The following PCDHGB3 variants were observed in gnomAD, a reference collection of about 807,000 sequenced individuals.
The protein encoded by PCDHGB3 is protocadherin gamma-B3.
A neutral mutation model predicts 59.2 loss-of-function variants in PCDHGB3; 40 were observed. That is an observed-to-expected ratio of 0.68 (90% CI 0.52 to 0.88). The LOEUF is 0.88. Among genes scored for constraint, PCDHGB3 ranks in the 40% least tolerant of loss-of-function variants. The pLI is 0.00. For synonymous variants in PCDHGB3, 581 were observed against 503.6 expected, an observed-to-expected ratio of 1.15 and a Z score of -2.06; for missense variants, 1,309 against 1,187.9, an observed-to-expected ratio of 1.10 and a Z score of -1.50.
chr5:141,407,139 A>G lies in PCDHGB3; in HGVS notation c.2415+34330A>G, dbSNP rs190510544. Among the ~76,000 whole-genome samples, 1,517 of 152,332 alleles carry G rather than the reference A, an allele frequency of 1.0e-2. 33 individuals carry two copies. The highest frequency in any genetic ancestry group is 0.034 in the African/African-American group (1,425 of 41,568). On this transcript the variant is annotated intron_variant, in intron 1 of 3. Coordinates refer to ENST00000576222, the MANE Select transcript of PCDHGB3 (RefSeq NM_018924.5). ...TTTCAGTTGCTTTATTTTTAAGAAA[A>G]AAAAGCTGAAGTGTCTGGGAATCCT...
intron 1 of PCDHGB3, among the ~76,000 whole-genome samples, chr5:141,470,504 G>A (rs914828244): frequency 6.6e-6 from 1 of 152,114 alleles, no homozygotes; most frequent in Admixed American, 6.6e-5. Flanking sequence ...TAGGTAATTA[G>A]ACAGTTAGCT....
chr5:141,498,294 G>A (rs2099782964), intron 2 of PCDHGB3, among the ~76,000 whole-genome samples: 1 of 151,910 alleles, frequency 6.6e-6, no homozygotes, highest in African/African-American at 2.4e-5. Flanking sequence ...GATCAAGCCA[G>A]CTCTGGGTCA....
Position 141,476,696 on chromosome 5 carries a change from G to T in PCDHGB3, c.2416-18111G>T, listed in dbSNP as rs750429892. ...GACGCGGGAGGACAGCACCAAGTAC[G>T]CGGAGCTGGTGTTGGAGCGCGCCCT... On this transcript the variant is annotated intron_variant, in intron 1 of 3. Transcript: ENST00000576222. This position sits in a 1 kb window ranked among gnomAD's most constrained non-coding sequence, Gnocchi z 7.6. 3 of 1,614,102 alleles carry T rather than the reference G, an allele frequency of 1.9e-6. No individual in the cohort carries two copies. The highest frequency in any genetic ancestry group is 2.5e-6 in the Non-Finnish European group (3 of 1,180,050).
chr5:141,414,306 T>A lies in PCDHGB3; in HGVS notation c.2415+41497T>A, dbSNP rs778408885. The A allele has an allele frequency of 6.2e-6, 10 of 1,613,584 alleles. No homozygotes were observed. The Admixed American group carries it at 1.2e-4, about 19-fold the overall frequency. Reference sequence around the variant, plus strand: ...TCGTAGCCCTTTTAAATGTGCATGATTTAGACTCTGAGCAGAATGGACAGG... The same window carrying A: ...TCGTAGCCCTTTTAAATGTGCATGAATTAGACTCTGAGCAGAATGGACAGG... On this transcript the variant is annotated intron_variant, in intron 1 of 3. Coordinates refer to ENST00000576222, the MANE Select transcript of PCDHGB3 (RefSeq NM_018924.5).
intron 1 of PCDHGB3, chr5:141,415,950 A>G (rs996935488): frequency 4.0e-6 from 2 of 498,646 alleles, no homozygotes; most frequent in Non-Finnish European, 6.1e-6. Flanking sequence ...GGGTGGTCAC[A>G]TATTGAAACT....
chr5:141,511,215 A>G lies in PCDHGB3; in HGVS notation c.*42A>G, dbSNP rs1562250541. On this transcript the variant is annotated 3_prime_UTR_variant, in exon 4 of 4. Coordinates refer to ENST00000576222, the MANE Select transcript of PCDHGB3 (RefSeq NM_018924.5). ...AGAGCCACAGGGCGGCCTCTCCCCA[A>G]CCAGCCCAGCTTCTCCTTACCTGCA... The G allele has an allele frequency of 1.2e-6, 2 of 1,608,380 alleles. No individual in the cohort carries two copies. The highest frequency in any genetic ancestry group is 2.2e-5 in the East Asian group (1 of 44,560).
intron 1 of PCDHGB3, among the ~76,000 whole-genome samples, chr5:141,455,907 ATTTATTTT>A (rs1199495676): frequency 7.1e-5 from 9 of 126,872 alleles, no homozygotes; most frequent in African/African-American, 1.1e-4. Context: ...TTATTTATTT[ATTTATTTT>A]GAGACGGAGT....
At chr5:141,414,706 A>G in intron 1 of PCDHGB3, 1 of 1,614,002 alleles carries the variant, frequency 6.2e-7, no homozygotes, top group South Asian at 1.1e-5. Context: ...ATACATATCC[A>G]TCAACTCAGA....
chr5:141,409,415 G>C, intron 1 of PCDHGB3: 1 of 1,614,008 alleles, frequency 6.2e-7, no homozygotes. Context: ...CTACAAACTG[G>C]TGACAGATGG....
At chr5:141,450,211 T>TTTCA (rs1038674129) in intron 1 of PCDHGB3, among the ~76,000 whole-genome samples, 23 of 152,166 alleles carry the variant, frequency 1.5e-4, no homozygotes, top group African/African-American at 4.3e-4. Flanking sequence ...AGAGACAAGG[T>TTTCA]TTCACTATGT....
rs1258752203 is a variant in PCDHGB3, at chr5:141,431,160, G to C, written c.2415+58351G>C. On this transcript the variant is annotated intron_variant, in intron 1 of 3. Coordinates refer to ENST00000576222, the MANE Select transcript of PCDHGB3 (RefSeq NM_018924.5). The surrounding 1 kb of genome is among the most constrained non-coding windows in gnomAD (Gnocchi z 4.8). ...ATTAACGACAATGCGCCTTACTTTC[G>C]TGAAAGTGAATTAGAAATAAAAATT... is the stretch of plus-strand genomic sequence containing the variant. The C allele has an allele frequency of 6.2e-7, 1 of 1,614,198 alleles. No homozygotes were observed. Among genetic ancestry groups the C allele is most frequent in the South Asian group, 1.1e-5 (1 of 91,084 alleles).
rs1766946658 is a variant in PCDHGB3, at chr5:141,370,481, C to G, written c.87C>G (p.Leu29=). The G allele has an allele frequency of 1.2e-6, 2 of 1,613,770 alleles. No homozygotes were observed. Among genetic ancestry groups the G allele is most frequent in the African/African-American group, 2.7e-5 (2 of 74,932 alleles). ...TGCTCTCTTTGTTAGACCAGGCTCT[C>G]TCCGAACCGATCCGCTACGCTATTC... The part of the protein sequence containing the change: ...LFLLSLLDQA[L]SEPIRYAIPE... The change falls in exon 1 of 4, where the codon CTC becomes CTG. Residue 29 remains leucine, a synonymous_variant. Coordinates refer to ENST00000576222, the MANE Select transcript of PCDHGB3 (RefSeq NM_018924.5).
chr5:141,420,099 C>T (rs750814136), intron 1 of PCDHGB3: 4 of 1,613,996 alleles, frequency 2.5e-6, no homozygotes, highest in South Asian at 2.2e-5. Flanking sequence ...AGTGAGGGAA[C>T]GTTGCCCTAT....
At chr5:141,499,548 A>G (rs1312910986) in intron 2 of PCDHGB3, among the ~76,000 whole-genome samples, 3 of 152,226 alleles carry the variant, frequency 2.0e-5, no homozygotes, top group African/African-American at 7.2e-5. Flanking sequence ...ATGAACCTGT[A>G]TGATACCACT....
chr5:141,482,492 T>C (rs1167963137), intron 1 of PCDHGB3, among the ~76,000 whole-genome samples: 1 of 144,468 alleles, frequency 6.9e-6, no homozygotes, highest in Non-Finnish European at 1.5e-5. Flanking sequence ...TTAAAAGTTA[T>C]CATTCTGGTA....
At position 141,370,360 on chromosome 5, in the gene PCDHGB3, C is replaced by T. The variant is rs775816151; in HGVS notation, c.-35C>T. 2.2e-5 allele frequency: 34 copies of T among 1,516,792 alleles called. No homozygotes were observed. In the South Asian group the frequency reaches 4.3e-4, roughly 19 times the overall value. The allele number at this position is 1,516,792 out of a possible 1,614,324, so 94.0% of individuals were successfully genotyped here. Reference sequence around the variant, plus strand: ...TGGGATTATTTAAAGATCTCCTCTCCTCGGATTTAGAAAGGCAAAGGCGCA... The same window carrying T: ...TGGGATTATTTAAAGATCTCCTCTCTTCGGATTTAGAAAGGCAAAGGCGCA... On this transcript the variant is annotated 5_prime_UTR_variant, in exon 1 of 4. Transcript: ENST00000576222.
chr5:141,455,936 C>T (rs1194722770), intron 1 of PCDHGB3, among the ~76,000 whole-genome samples: 3 of 151,422 alleles, frequency 2.0e-5, no homozygotes, highest in East Asian at 3.9e-4. Flanking sequence ...CTCGCTCTGT[C>T]GCCCAGGCTG....
chr5:141,449,804 T>C (rs991937787), intron 1 of PCDHGB3, among the ~76,000 whole-genome samples: 2 of 151,676 alleles, frequency 1.3e-5, no homozygotes, highest in Non-Finnish European at 2.9e-5. Flanking sequence ...AAATACCTCA[T>C]TGTGTATTTC....
chr5:141,410,255 C>T (rs758117248), intron 1 of PCDHGB3: 26 of 1,614,030 alleles, frequency 1.6e-5, no homozygotes, highest in Non-Finnish European at 1.9e-5. Flanking sequence ...CTCTGACCCC[C>T]AGGCTGAACT....
Sources: allele counts gnomAD v4.1 joint callset (sites outside exome capture counted in the v4.1 genomes callset), GRCh38; gene constraint gnomAD v4.1.1; non-coding constraint Gnocchi (gnomAD v3.1); transcripts MANE v1.5; gene names NCBI Gene and HGNC (gene_info 2026-07-23, HGNC 2026-07-21).